LZTS1: variants seen among roughly 807,000 people sequenced by gnomAD.
The protein encoded by LZTS1 is leucine zipper putative tumor suppressor 1.
In LZTS1, 31 loss-of-function variants were observed where a neutral mutation model predicts 45.8. The ratio of observed to expected loss-of-function variants is 0.68; its 90% confidence interval spans 0.51 to 0.91. LZTS1 has a LOEUF of 0.91. Ranked by LOEUF, LZTS1 falls within the 40% of genes least tolerant of loss-of-function variation. LZTS1 has a pLI of 0.00. For missense variants in LZTS1, 821 were observed against 788.9 expected (o/e 1.04, Z -0.49); for synonymous variants, 359 against 357.3 (o/e 1.00, Z -0.05).
intron 1 of LZTS1, among the ~76,000 whole-genome samples, chr8:20,292,667 G>C (rs1800919199): frequency 6.6e-6 from 1 of 152,286 alleles, no homozygotes; most frequent in East Asian, 1.9e-4. Context: ...AATCCACCAG[G>C]ACTGAAAGCG....
At chr8:20,301,752 GC>G (rs1290710167) in intron 1 of LZTS1, among the ~76,000 whole-genome samples, 1 of 151,824 alleles carries the variant, frequency 6.6e-6, no homozygotes. Flanking sequence ...GGCACCCCAC[GC>G]AGCAGCACTC....
chr8:20,253,371 G>C lies in LZTS1; in HGVS notation c.560C>G (p.Thr187Ser). The C allele has an allele frequency of 6.2e-7, 1 of 1,613,456 alleles. No individual in the cohort carries two copies. The highest frequency in any genetic ancestry group is 8.5e-7 in the Non-Finnish European group (1 of 1,179,712). ...NSMSSLPTHS[T>S]SSSYQLDPLV... ...CGGGTCCAGCTGGTAGCTGCTGCTG[G>C]TGCTGTGTGTGGGCAGGCTGGACAT... The change falls in exon 3 of 4, where the codon ACC becomes AGC. Residue 187 changes from threonine (T) to serine (S), a missense_variant. Physicochemically the swap from Thr to Ser is moderately conservative, Grantham distance 58. Transcript: ENST00000381569.
chr8:20,270,797 CTCTGTG>C (rs1362660216), intron 1 of LZTS1, among the ~76,000 whole-genome samples: 1,871 of 99,388 alleles, frequency 0.019, 31 homozygotes, highest in African/African-American at 0.053. Flanking sequence ...CGAGTGTGTC[CTCTGTG>C]TGTGTGTGTG....
In LZTS1 at chr8:20,272,636, C is replaced by A. The variant is rs564702532; in HGVS notation, c.-134-17321G>T. ...CCCTGTACCCACCTCTGCTGCCACA[C>A]TCCCTGCAGACAACTTCATCTCTAT... On this transcript the variant is annotated intron_variant, in intron 1 of 3. Transcript: ENST00000381569. 1.6e-4 allele frequency among the ~76,000 whole-genome samples: 25 copies of A among 152,332 alleles called. No homozygotes were observed. The South Asian group carries it at 5.0e-3, about 30-fold the overall frequency.
At chr8:20,291,825 C>T (rs2128899003) in intron 1 of LZTS1, among the ~76,000 whole-genome samples, 1 of 144,956 alleles carries the variant, frequency 6.9e-6, no homozygotes, top group Middle Eastern at 3.5e-3. Flanking sequence ...ACTGATCTAT[C>T]TGATTTCCAA....
chr8:20,265,278 T>C (rs544988700), intron 1 of LZTS1, among the ~76,000 whole-genome samples: 1 of 152,226 alleles, frequency 6.6e-6, no homozygotes, highest in Non-Finnish European at 1.5e-5. Flanking sequence ...CACTTCACAC[T>C]CACTATTATT....
At chr8:20,264,171 CT>C (rs1447741760) in intron 1 of LZTS1, among the ~76,000 whole-genome samples, 1 of 152,138 alleles carries the variant, frequency 6.6e-6, no homozygotes. Context: ...ATTCTGCAAC[CT>C]TAATTGTTTT....
chr8:20,266,057 C>G (rs1213304011), intron 1 of LZTS1, among the ~76,000 whole-genome samples: 2 of 151,300 alleles, frequency 1.3e-5, no homozygotes, highest in African/African-American at 2.4e-5. Context: ...GAGTCTCACT[C>G]TCTTGTCCAG....
chr8:20,301,911 C>T (rs1801086239), intron 1 of LZTS1, among the ~76,000 whole-genome samples: 1 of 152,178 alleles, frequency 6.6e-6, no homozygotes, highest in African/African-American at 2.4e-5. Context: ...TAACTAACAA[C>T]CATCTTCAGC....
At chr8:20,299,645 GCC>G (rs1801038914) in intron 1 of LZTS1, among the ~76,000 whole-genome samples, 4 of 152,094 alleles carry the variant, frequency 2.6e-5, no homozygotes, top group Non-Finnish European at 4.4e-5. Flanking sequence ...TCGCCATGGA[GCC>G]CCGAGAACAC....
In LZTS1 at chr8:20,252,788, C is replaced by T. The variant is rs1393563865; in HGVS notation, c.1143G>A (p.Gln381=). 4 of 1,515,096 alleles carry T rather than the reference C, an allele frequency of 2.6e-6. No individual in the cohort carries two copies. The highest frequency in any genetic ancestry group is 3.5e-6 in the Non-Finnish European group (4 of 1,131,362). The allele number at this position is 1,515,096 out of a possible 1,614,324, so 93.9% of individuals were successfully genotyped here. A position where few individuals can be genotyped will look rare whatever the true frequency, so the allele number is the denominator to read the frequency against. Residue 381 remains glutamine (Q), a synonymous_variant, in exon 3 of 4, where the codon CAG becomes CAA. Transcript: ENST00000381569. The part of the protein sequence containing the change: ...TSFGPALEET[Q]WEVCQKSGEI... ...GAGCCCTGTGTGGCCTCACCTCCCA[C>T]TGGGTCTCCTCCAGCGCGGGGCCGA...
At chr8:20,280,556 A>G (rs752537617) in intron 1 of LZTS1, among the ~76,000 whole-genome samples, 5 of 152,214 alleles carry the variant, frequency 3.3e-5, no homozygotes, top group Non-Finnish European at 7.3e-5. Flanking sequence ...AGCAGTGAGA[A>G]CACTTGAAAT....
In LZTS1 at chr8:20,303,775, T is replaced by C; in HGVS notation, c.-170A>G. On this transcript the variant is annotated 5_prime_UTR_variant, in exon 1 of 4. Coordinates refer to ENST00000381569, the MANE Select transcript of LZTS1 (RefSeq NM_021020.5). ...CGCCTCGGGCGCACTTGAGACTTTT[T>C]TTTTTTCCCAGTGTTTCCCGGTGTG... is the stretch of plus-strand genomic sequence containing the variant. 1.0e-6 allele frequency: 1 copy of C among 984,376 alleles called. No homozygotes were observed. The highest frequency in any genetic ancestry group is 1.2e-6 in the Non-Finnish European group (1 of 830,002). The allele number at this position is 984,376 out of a possible 1,614,324, so 61.0% of individuals were successfully genotyped here.
At chr8:20,262,430 T>G (rs995590690) in intron 1 of LZTS1, among the ~76,000 whole-genome samples, 21 of 152,006 alleles carry the variant, frequency 1.4e-4, no homozygotes, top group African/African-American at 4.3e-4. Context: ...GAGTGTGTGT[T>G]CATGTGTGCA....
chr8:20,283,315 G>A (rs1800730313), intron 1 of LZTS1, among the ~76,000 whole-genome samples: 1 of 152,154 alleles, frequency 6.6e-6, no homozygotes, highest in Non-Finnish European at 1.5e-5. Context: ...TCATAAATGG[G>A]ATGAGTGTCC....
chr8:20,285,674 A>G (rs1045113355), intron 1 of LZTS1, among the ~76,000 whole-genome samples: 2 of 152,228 alleles, frequency 1.3e-5, no homozygotes, highest in Admixed American at 6.5e-5. Flanking sequence ...TGACAATACA[A>G]TCACAATCAA....
At chr8:20,263,311 A>G (rs549254805) in intron 1 of LZTS1, among the ~76,000 whole-genome samples, 55 of 150,178 alleles carry the variant, frequency 3.7e-4, no homozygotes, top group African/African-American at 1.3e-3. Context: ...TCCAACCACA[A>G]CACGAGGGTC....
rs201531859 is a variant in LZTS1 at position 20,255,076 on chromosome 8, G to A, written c.106C>T (p.Arg36Trp). Residue 36 changes from arginine (R) to tryptophan (W), a missense_variant, in exon 2 of 4, where the codon CGG (arginine) becomes TGG (tryptophan). Arg to Trp is a moderately radical substitution (Grantham distance 101, BLOSUM62 -3). Coordinates refer to ENST00000381569, the MANE Select transcript of LZTS1 (RefSeq NM_021020.5). ...AACCTCAGCAGCCCGTCGGAATACCGGTTGAGCTTCTTGAGGTGGGAGGAC... is the reference window on the plus strand; with the variant it reads ...AACCTCAGCAGCCCGTCGGAATACCAGTTGAGCTTCTTGAGGTGGGAGGAC... Reference protein sequence around the residue: ...RKSSHLKKLNRYSDGLLRFGF... With the variant: ...RKSSHLKKLNWYSDGLLRFGF... 2.7e-5 allele frequency: 44 copies of A among 1,614,086 alleles called. No individual in the cohort carries two copies. The highest frequency in any genetic ancestry group is 3.5e-5 in the Non-Finnish European group (41 of 1,180,046).
chr8:20,247,990 G>C lies in LZTS1; in HGVS notation c.*1732C>G, dbSNP rs931570175. On this transcript the variant is annotated 3_prime_UTR_variant, in exon 4 of 4. Transcript: ENST00000381569. ...GCTAGGTCTGGCTTGCTTCTGAAAA[G>C]ACAAGAAAGCAAAAAAGAAAAAGAA... is the stretch of plus-strand genomic sequence containing the variant. 1 of 152,662 alleles carries C rather than the reference G, an allele frequency of 6.6e-6. No homozygotes were observed. Among genetic ancestry groups the C allele is most frequent in the African/African-American group, 2.4e-5 (1 of 41,422 alleles). 9.5% of individuals were successfully genotyped at this position (152,662 alleles called of 1,614,324 possible).
Sources: allele counts gnomAD v4.1 joint callset (sites outside exome capture counted in the v4.1 genomes callset), GRCh38; gene constraint gnomAD v4.1.1; transcripts MANE v1.5; gene names NCBI Gene and HGNC (gene_info 2026-07-23, HGNC 2026-07-21).